The following NPHP4 variants were observed in gnomAD, a reference collection of about 807,000 sequenced individuals.
The protein encoded by NPHP4 is nephrocystin-4.
A neutral mutation model predicts 155.8 loss-of-function variants in NPHP4; 151 were observed. That is an observed-to-expected ratio of 0.97 (90% CI 0.85 to 1.11). The LOEUF (loss-of-function observed/expected upper bound fraction) is 1.11, where lower values mean the gene tolerates loss of function less well. NPHP4 is among the 50% of genes least tolerant of loss of function. NPHP4 has a pLI of 0.00. For missense variants in NPHP4, 1,956 were observed against 1,925.7 expected, an observed-to-expected ratio of 1.02 and a Z score of -0.29; for synonymous variants, 845 against 816.8, an observed-to-expected ratio of 1.03 and a Z score of -0.59.
At chr1:5,901,227 G>A (rs1457850768) in intron 16 of NPHP4, among the ~76,000 whole-genome samples, 1 of 152,076 alleles carries the variant, frequency 6.6e-6, no homozygotes, top group African/African-American at 2.4e-5. Flanking sequence ...CCATGCACTG[G>A]CAATCTGTCT....
chr1:5,908,160 A>G lies in NPHP4; in HGVS notation c.1504-938T>C, dbSNP rs560594286. 4.6e-5 allele frequency among the ~76,000 whole-genome samples: 7 copies of G among 152,340 alleles called. No individual in the cohort carries two copies. The South Asian group carries it at 1.4e-3, about 32-fold the overall frequency. ...CCCAGGGGACCCTGGCAGCATCTTC[A>G]GGGAGCAGAGGAGATCTTTGGGGCC... On this transcript the variant is annotated intron_variant, in intron 12 of 29. Coordinates refer to ENST00000378156, the MANE Select transcript of NPHP4 (RefSeq NM_015102.5).
intron 6 of NPHP4, among the ~76,000 whole-genome samples, chr1:5,960,188 C>T (rs145400593): frequency 6.0e-4 from 92 of 152,278 alleles, no homozygotes; most frequent in African/African-American, 2.1e-3. Flanking sequence ...CCGAAGTGGG[C>T]GTGGAGAGCA....
At chr1:5,899,611 A>G (rs2101048443) in intron 16 of NPHP4, among the ~76,000 whole-genome samples, 1 of 152,336 alleles carries the variant, frequency 6.6e-6, no homozygotes, top group Non-Finnish European at 1.5e-5. Context: ...TATAAAAATT[A>G]GCTCAAAATG....
intron 5 of NPHP4, among the ~76,000 whole-genome samples, chr1:5,964,727 G>A (rs933376601): frequency 5.3e-5 from 8 of 151,248 alleles, no homozygotes; most frequent in African/African-American, 9.7e-5. Flanking sequence ...CTTTGCAGCC[G>A]ACACAAAGTG....
intron 11 of NPHP4, among the ~76,000 whole-genome samples, chr1:5,912,537 C>CAAAA (rs752371714): frequency 1.3e-5 from 1 of 77,892 alleles, no homozygotes; most frequent in South Asian, 5.1e-4. Flanking sequence ...GACTCCGTCT[C>CAAAA]AAAAAAAAAA....
intron 3 of NPHP4, among the ~76,000 whole-genome samples, chr1:5,971,396 T>C (rs552853179): frequency 1.6e-4 from 24 of 152,358 alleles, no homozygotes; most frequent in African/African-American, 5.8e-4. Flanking sequence ...GTTGTACCAG[T>C]ACAATTACTG....
chr1:5,891,111 C>A, intron 16 of NPHP4, 83 bp from the exon 17 acceptor site: 1 of 991,222 alleles, frequency 1.0e-6, no homozygotes, highest in South Asian at 2.8e-5. Flanking sequence ...CAGCTCTGGT[C>A]ATGATTACTA....
Position 5,927,638 on chromosome 1 carries a change from GA to G in NPHP4, c.1441+10del. On this transcript the variant is annotated intron_variant, in intron 11 of 29. Coordinates refer to ENST00000378156, the MANE Select transcript of NPHP4 (RefSeq NM_015102.5). ...ATGTGCCTGGCCAGTCAGCTCTCTG[GA>G]AACACTTACTCGAAGGGGACGTGGG... 1 of 1,596,750 alleles carries G rather than the reference GA, an allele frequency of 6.3e-7. No homozygotes were observed. The highest frequency in any genetic ancestry group is 1.1e-5 in the South Asian group (1 of 90,312).
At chr1:5,990,920 C>T (rs1247636870) in intron 1 of NPHP4, among the ~76,000 whole-genome samples, 2 of 152,200 alleles carry the variant, frequency 1.3e-5, no homozygotes, top group African/African-American at 2.4e-5. Flanking sequence ...ATTTCCCGAG[C>T]ACTTGTGTTC....
At chr1:5,874,447 T>G in intron 22 of NPHP4, 24 bp downstream of exon 22, 1 of 1,496,740 alleles carries the variant, frequency 6.7e-7, no homozygotes, top group Non-Finnish European at 8.9e-7. Context: ...AAATGCAACT[T>G]CCCTGTGTGC....
At chr1:5,914,624 AC>A (rs1645367874) in intron 11 of NPHP4, among the ~76,000 whole-genome samples, 1 of 152,212 alleles carries the variant, frequency 6.6e-6, no homozygotes, top group Non-Finnish European at 1.5e-5. Context: ...TGTTTTCACC[AC>A]CTTTACTTTC....
chr1:5,983,150 G>GT (rs1191809811), intron 2 of NPHP4, among the ~76,000 whole-genome samples: 2 of 152,124 alleles, frequency 1.3e-5, no homozygotes, highest in Non-Finnish European at 2.9e-5. Context: ...TGATCTATCT[G>GT]TTTTTTCAAT....
At chr1:5,962,763 A>G (rs1164275471) in intron 5 of NPHP4, among the ~76,000 whole-genome samples, 2 of 152,248 alleles carry the variant, frequency 1.3e-5, no homozygotes, top group African/African-American at 4.8e-5. Context: ...TGGAGAAATG[A>G]CACCCGGGAG....
At chr1:5,904,825 G>T in intron 15 of NPHP4, 21 bp from the exon 16 acceptor site, 1 of 1,612,094 alleles carries the variant, frequency 6.2e-7, no homozygotes, top group South Asian at 1.1e-5. Context: ...CAACAGCTCT[G>T]GGTTAACTGA....
intron 7 of NPHP4, among the ~76,000 whole-genome samples, chr1:5,950,052 A>G (rs933499776): frequency 6.6e-6 from 1 of 152,154 alleles, no homozygotes; most frequent in African/African-American, 2.4e-5. Flanking sequence ...GCTTGCTCTC[A>G]TGGAGGCAGA....
Position 5,905,499 on chromosome 1 carries a change from T to C in NPHP4, c.1764-16A>G. ...CCCTGCAGAGCTGAGACACAGAGAC[T>C]CCTCAGGTAGCCTCCCGGGAAAGGG... On this transcript the variant is annotated splice_polypyrimidine_tract_variant and intron_variant, in intron 14 of 29. Transcript: ENST00000378156. The surrounding 1 kb of genome is among the most constrained non-coding windows in gnomAD (Gnocchi z 4.0). The C allele has an allele frequency of 6.3e-7, 1 of 1,598,948 alleles. No homozygotes were observed.
intron 1 of NPHP4, chr1:5,991,575 G>A (rs1656297931): frequency 6.6e-6 from 1 of 152,288 alleles, no homozygotes; most frequent in African/African-American, 2.4e-5. Context: ...AAGCCCGGGG[G>A]CGGGCGGGAG....
chr1:5,906,488 T>TG (rs1644919423), intron 13 of NPHP4, among the ~76,000 whole-genome samples: 1 of 152,262 alleles, frequency 6.6e-6, no homozygotes, highest in African/African-American at 2.4e-5. Flanking sequence ...CACAAACACA[T>TG]GAGCCCCAGA....
At chr1:5,939,781 A>C (rs1329895557) in intron 9 of NPHP4, among the ~76,000 whole-genome samples, 1 of 152,216 alleles carries the variant, frequency 6.6e-6, no homozygotes, top group African/African-American at 2.4e-5. Context: ...GGCTGGCCCC[A>C]GGCCTGCTGT....
Sources: allele counts gnomAD v4.1 joint callset (sites outside exome capture counted in the v4.1 genomes callset), GRCh38; gene constraint gnomAD v4.1.1; non-coding constraint Gnocchi (gnomAD v3.1); transcripts MANE v1.5; gene names NCBI Gene and HGNC (gene_info 2026-07-23, HGNC 2026-07-21).